ABCA3: variants seen among roughly 807,000 people sequenced by gnomAD.
ABCA3 encodes the protein ATP binding cassette subfamily A member 3.
ABCA3 carries 88 observed loss-of-function variants against 172.8 expected under a neutral mutation model. That is an observed-to-expected ratio of 0.51 (90% CI 0.43 to 0.61). The LOEUF is 0.61. ABCA3 is among the 20% of genes least tolerant of loss of function. ABCA3 has a pLI of 0.00. For synonymous variants in ABCA3, 1,066 were observed against 983.8 expected, an observed-to-expected ratio of 1.08 and a Z score of -1.56; for missense variants, 2,164 against 2,301.0, an observed-to-expected ratio of 0.94 and a Z score of 1.22.
rs771249748 is a variant in ABCA3, at chr16:2,277,199, G to A, written c.4984-394C>T. Among the ~76,000 whole-genome samples, 3 of 152,004 alleles carry A rather than the reference G, an allele frequency of 2.0e-5. No homozygotes were observed. Among genetic ancestry groups the A allele is most frequent in the African/African-American group, 4.8e-5 (2 of 41,374 alleles). ...CAGTCTCGAACTCCCAGGCTCAAGC[G>A]ATCCTCCCACCTTAGCCTCCCGAGT... On this transcript the variant is annotated intron_variant, in intron 32 of 32. Coordinates refer to ENST00000301732, the MANE Select transcript of ABCA3 (RefSeq NM_001089.3). This position sits in a 1 kb window ranked among gnomAD's most constrained non-coding sequence, Gnocchi z 5.3.
intron 10 of ABCA3, among the ~76,000 whole-genome samples, chr16:2,316,528 A>T (rs1330346612): frequency 7.6e-6 from 1 of 130,854 alleles, no homozygotes; most frequent in African/African-American, 2.8e-5. Context: ...AAAAAAAAAA[A>T]TTAGCCAGGC....
rs2093663546 is a variant in ABCA3 at position 2,286,608 on chromosome 16, CTCTA to C, written c.3278+82_3278+85del. On this transcript the variant is annotated intron_variant, in intron 22 of 32. Transcript: ENST00000301732. The surrounding 1 kb of genome is among the most constrained non-coding windows in gnomAD (Gnocchi z 5.2). ...GGGCTTTGGGAGGGCAGACACAATG[CTCTA>C]TCTATGGGCCCGTGGCAGTGCCCAG... is the stretch of plus-strand genomic sequence containing the variant. 13 of 1,553,586 alleles carry C rather than the reference CTCTA, an allele frequency of 8.4e-6. No homozygotes were observed. Among genetic ancestry groups the C allele is most frequent in the Admixed American group, 7.4e-5 (4 of 54,380 alleles).
Position 2,286,708 on chromosome 16 carries a change from C to T in ABCA3, c.3264G>A (p.Lys1088=), listed in dbSNP as rs768880964. ...PQPRSALQAA[K]DQFNEGRKGF... ...AGTGCACATACTCGTTAAACTGGTC[C>T]TTGGCAGCCTGCAGGGCGCTCCGGG... is the stretch of plus-strand genomic sequence containing the variant. Residue 1088 remains lysine (K), a synonymous_variant, in exon 22 of 33, where the codon AAG becomes AAA. Transcript: ENST00000301732. The surrounding 1 kb of genome is among the most constrained non-coding windows in gnomAD (Gnocchi z 5.2). 1.5e-5 allele frequency: 24 copies of T among 1,613,412 alleles called. No homozygotes were observed. Among genetic ancestry groups the T allele is most frequent in the Non-Finnish European group, 1.9e-5 (23 of 1,179,888 alleles).
At chr16:2,294,328 G>A (rs750829040) in intron 18 of ABCA3, among the ~76,000 whole-genome samples, 4 of 151,978 alleles carry the variant, frequency 2.6e-5, no homozygotes, top group East Asian at 1.9e-4. Flanking sequence ...GCACAGCTGC[G>A]AAACACTTTC....
intron 8 of ABCA3, among the ~76,000 whole-genome samples, chr16:2,318,367 T>C (rs143512243): frequency 1.3e-3 from 201 of 152,268 alleles, no homozygotes; most frequent in African/African-American, 4.7e-3. Flanking sequence ...ACCCAGTTCC[T>C]TCACTGACCA....
chr16:2,324,383 C>G (rs778212024), intron 6 of ABCA3, 21 bp downstream of exon 6: 49 of 1,574,320 alleles, frequency 3.1e-5, no homozygotes, highest in Admixed American at 1.6e-4. Flanking sequence ...TGTGACTGCT[C>G]GGCCCGGCCG....
In ABCA3 at chr16:2,297,635, G is replaced by A. The variant is rs1181350914; in HGVS notation, c.2053-96C>T. The stretch of plus-strand genomic sequence containing the variant: ...GCCCCATCGAGGGGTTCGCGGAGCC[G>A]GCTTGAGTCCTCCAAGGATGGTGAT... On this transcript the variant is annotated intron_variant, in intron 16 of 32. Transcript: ENST00000301732. This position sits in a 1 kb window ranked among gnomAD's most constrained non-coding sequence, Gnocchi z 5.6. The A allele has an allele frequency of 1.0e-5, 16 of 1,588,062 alleles. No individual in the cohort carries two copies. The highest frequency in any genetic ancestry group is 4.5e-5 in the East Asian group (2 of 44,452).
At chr16:2,332,804 T>A in intron 1 of ABCA3, 1 of 641,394 alleles carries the variant, frequency 1.6e-6, no homozygotes, top group South Asian at 1.9e-5. Flanking sequence ...TGCCACCCAA[T>A]TCCTATGTGC....
At chr16:2,314,697 C>A (rs1208219743) in intron 10 of ABCA3, among the ~76,000 whole-genome samples, 1 of 151,980 alleles carries the variant, frequency 6.6e-6, no homozygotes, top group African/African-American at 2.4e-5. Context: ...CTGCCTCAAC[C>A]TCCCAAGAAG....
intron 10 of ABCA3, among the ~76,000 whole-genome samples, chr16:2,310,976 CT>C (rs200727344): frequency 4.0e-5 from 6 of 150,986 alleles, no homozygotes; most frequent in African/African-American, 1.5e-4. Context: ...CTTTTCTTTT[CT>C]TTTTTTTTCT....
chr16:2,338,219 A>G (rs954124097), intron 1 of ABCA3, among the ~76,000 whole-genome samples: 1 of 152,166 alleles, frequency 6.6e-6, no homozygotes, highest in African/African-American at 2.4e-5. Flanking sequence ...AAACCTCTCC[A>G]ACACCACAAA....
Position 2,284,575 on chromosome 16 carries a change from G to T in ABCA3, c.3704-138C>A. Reference sequence around the variant, plus strand: ...GGCACCTCCCAGGGACGCCCCTGCCGGCTCTGCACAGGGCAAGGACGCCGC... The same window carrying T: ...GGCACCTCCCAGGGACGCCCCTGCCTGCTCTGCACAGGGCAAGGACGCCGC... On this transcript the variant is annotated intron_variant, in intron 24 of 32. Transcript: ENST00000301732. This position sits in a 1 kb window ranked among gnomAD's most constrained non-coding sequence, Gnocchi z 5.9. The T allele has an allele frequency of 7.3e-7, 1 of 1,378,864 alleles. No homozygotes were observed. 85.4% of individuals were successfully genotyped at this position (1,378,864 alleles called of 1,614,324 possible). A position where few individuals can be genotyped will look rare whatever the true frequency, so the allele number is the denominator to read the frequency against.
At chr16:2,276,852 CTCCTCTGCGGGACCTGGGAG>C (rs754571312) in intron 32 of ABCA3, 47 bp from the exon 33 acceptor site, 2 of 1,610,966 alleles carry the variant, frequency 1.2e-6, no homozygotes, top group Non-Finnish European at 1.7e-6. Flanking sequence ...AGGGCCCAGG[CTCCTCTGCGGGACCTGGGAG>C]TCCTCTGGCA....
chr16:2,337,572 A>G (rs1435662724), intron 1 of ABCA3, among the ~76,000 whole-genome samples: 1 of 138,938 alleles, frequency 7.2e-6, no homozygotes, highest in East Asian at 2.1e-4. Context: ...TTTTTTAGAG[A>G]TGGGATCTTG....
chr16:2,323,801 C>A lies in ABCA3; in HGVS notation c.448-113G>T, dbSNP rs981287051. The stretch of plus-strand genomic sequence containing the variant: ...CTGTCACAGCCGAGAACTCACCACT[C>A]CCCCGCCTCTGAGTATCTCCAACAG... On this transcript the variant is annotated intron_variant, in intron 6 of 32. Transcript: ENST00000301732. 1.5e-5 allele frequency: 18 copies of A among 1,189,084 alleles called. No homozygotes were observed. The East Asian group carries it at 3.7e-4, about 25-fold the overall frequency. The allele number at this position is 1,189,084 out of a possible 1,614,324, so 73.7% of individuals were successfully genotyped here.
intron 18 of ABCA3, among the ~76,000 whole-genome samples, chr16:2,294,440 C>G (rs1355815826): frequency 6.6e-6 from 1 of 152,136 alleles, no homozygotes; most frequent in Non-Finnish European, 1.5e-5. Flanking sequence ...AATCCCAGAA[C>G]TTTGGGAGGC....
rs117451120 is a variant in ABCA3, at chr16:2,332,309, G to A, written c.-538-2455C>T. ...ACAGGTGAATTTTGATAGTCACGAT[G>A]GGCTTATCGGTAGGATTTCTAGTAG... On this transcript the variant is annotated intron_variant, in intron 1 of 32. Coordinates refer to ENST00000301732, the MANE Select transcript of ABCA3 (RefSeq NM_001089.3). 1.4e-3 allele frequency: 941 copies of A among 678,226 alleles called. 4 individuals carry two copies. The highest frequency in any genetic ancestry group is 2.0e-3 in the Non-Finnish European group (756 of 373,976). The allele number at this position is 678,226 out of a possible 1,614,324, so 42.0% of individuals were successfully genotyped here.
Position 2,326,500 on chromosome 16 carries a change from CA to C in ABCA3, c.-26-9del. The C allele has an allele frequency of 6.3e-7, 1 of 1,595,982 alleles. No homozygotes were observed. Among genetic ancestry groups the C allele is most frequent in the Admixed American group, 1.7e-5 (1 of 57,608 alleles). On this transcript the variant is annotated splice_polypyrimidine_tract_variant and intron_variant, in intron 3 of 32. Transcript: ENST00000301732. ...TGAAAGGGACGCCCAGTGCTAGTTA[CA>C]GACCAAAGACAGAGAGTGTGGGTGC...
At chr16:2,305,953 T>C (rs958101961) in intron 11 of ABCA3, among the ~76,000 whole-genome samples, 2 of 152,282 alleles carry the variant, frequency 1.3e-5, no homozygotes, top group South Asian at 2.1e-4. Flanking sequence ...TGGGGATCTG[T>C]GTGTCCAAAC....
Sources: gnomAD v4.1 joint callset for allele counts (sites outside exome capture counted in the v4.1 genomes callset) on GRCh38, gnomAD v4.1.1 for gene constraint, Gnocchi (gnomAD v3.1) non-coding constraint, MANE v1.5 for transcripts, NCBI Gene and HGNC (gene_info 2026-07-23, HGNC 2026-07-21) for gene names.